Variants in SPAG16 observed in about 807,000 individuals in gnomAD.
SPAG16 encodes sperm-associated antigen 16 protein.
SPAG16 carries 86 observed loss-of-function variants against 80.4 expected under a neutral mutation model. The ratio of observed to expected loss-of-function variants is 1.07; its 90% CI spans 0.90 to 1.28. SPAG16 has a LOEUF of 1.28. Ranked by LOEUF, SPAG16 falls within the 50% of genes most tolerant of loss-of-function variation. SPAG16 has a pLI of 0.00. For synonymous variants in SPAG16, 294 were observed against 265.9 expected, an observed-to-expected ratio of 1.11 and a Z score of -1.03; for missense variants, 870 against 765.3, an observed-to-expected ratio of 1.14 and a Z score of -1.61.
At chr2:213,449,984 T>A (rs1378605089) in intron 9 of SPAG16, among the ~76,000 whole-genome samples, 1 of 152,186 alleles carries the variant, frequency 6.6e-6, no homozygotes, top group African/African-American at 2.4e-5. Context: ...TATAGCCCTT[T>A]CCATACTTAG....
At chr2:213,832,961 T>C (rs1243706764) in intron 10 of SPAG16, among the ~76,000 whole-genome samples, 2 of 152,250 alleles carry the variant, frequency 1.3e-5, no homozygotes, top group Admixed American at 1.3e-4. Context: ...ACAATGCAAA[T>C]TTTAATTCTG....
intron 10 of SPAG16, among the ~76,000 whole-genome samples, chr2:213,579,985 C>A (rs2060249932): frequency 1.3e-5 from 2 of 152,070 alleles, no homozygotes; most frequent in East Asian, 3.8e-4. Context: ...ACATACTATA[C>A]CCCAAATATG....
intron 10 of SPAG16, among the ~76,000 whole-genome samples, chr2:213,833,514 T>TA (rs1559506213): frequency 2.8e-4 from 1 of 3,578 alleles, no homozygotes; most frequent in Non-Finnish European, 5.5e-4. Context: ...TTATATATAA[T>TA]ATATATAATA....
chr2:213,507,097 G>A lies in SPAG16; in HGVS notation c.1070+17007G>A, dbSNP rs1421314615. Among the ~76,000 whole-genome samples the A allele has an allele frequency of 2.6e-5, 4 of 152,202 alleles. No homozygotes were observed. In the East Asian group the frequency reaches 7.7e-4, roughly 29 times the overall value. On this transcript the variant is annotated intron_variant, in intron 10 of 15. Coordinates refer to ENST00000331683, the MANE Select transcript of SPAG16 (RefSeq NM_024532.5). ...GTTGAAAACTGTTACCAGGGAGAAT[G>A]ACCACTGTATCAAGAAAGCTATCAA...
chr2:213,750,823 G>C (rs2068045250), intron 10 of SPAG16, among the ~76,000 whole-genome samples: 1 of 152,218 alleles, frequency 6.6e-6, no homozygotes, highest in African/African-American at 2.4e-5. Context: ...TCTGATATCT[G>C]TAGAGTGTCT....
At chr2:214,320,324 C>T (rs1190287958) in intron 15 of SPAG16, among the ~76,000 whole-genome samples, 1 of 152,166 alleles carries the variant, frequency 6.6e-6, no homozygotes, top group Admixed American at 6.6e-5. Flanking sequence ...ACTTCTTGTA[C>T]TCCTACATAT....
chr2:214,262,538 A>G (rs1310135430), intron 15 of SPAG16, among the ~76,000 whole-genome samples: 1 of 152,120 alleles, frequency 6.6e-6, no homozygotes, highest in African/African-American at 2.4e-5. Flanking sequence ...TCCATGCTAC[A>G]CACAAACTAA....
chr2:214,222,684 C>A (rs1348658223), intron 15 of SPAG16, among the ~76,000 whole-genome samples: 1 of 152,108 alleles, frequency 6.6e-6, no homozygotes, highest in African/African-American at 2.4e-5. Flanking sequence ...TCTGAAACAT[C>A]CATTTTTAGT....
chr2:213,468,937 A>G (rs1387985237), intron 9 of SPAG16, among the ~76,000 whole-genome samples: 3 of 152,090 alleles, frequency 2.0e-5, no homozygotes, highest in Non-Finnish European at 4.4e-5. Context: ...AGGCTAGGCC[A>G]TCTGGTCTTT....
chr2:213,815,447 A>G (rs933310621), intron 10 of SPAG16, among the ~76,000 whole-genome samples: 3 of 152,204 alleles, frequency 2.0e-5, no homozygotes, highest in Non-Finnish European at 4.4e-5. Context: ...TACATTTATA[A>G]AGTATGAATT....
chr2:214,224,587 T>C (rs2058657709), intron 15 of SPAG16, among the ~76,000 whole-genome samples: 1 of 152,150 alleles, frequency 6.6e-6, no homozygotes, highest in Admixed American at 6.6e-5. Context: ...GACTAAGGGA[T>C]TTCTGGGGAA....
chr2:213,470,559 T>C (rs2073022207), intron 9 of SPAG16, among the ~76,000 whole-genome samples: 1 of 152,188 alleles, frequency 6.6e-6, no homozygotes, highest in Non-Finnish European at 1.5e-5. Flanking sequence ...TGGTGCCATA[T>C]TGTGGGCTCA....
chr2:213,567,634 G>T, intron 10 of SPAG16, among the ~76,000 whole-genome samples: 1 of 38,200 alleles, frequency 2.6e-5, no homozygotes, highest in Non-Finnish European at 4.2e-5. Context: ...GTCTATCATT[G>T]TTGGACATTT....
At chr2:214,180,455 G>A (rs1019516327) in intron 15 of SPAG16, among the ~76,000 whole-genome samples, 2 of 151,582 alleles carry the variant, frequency 1.3e-5, no homozygotes, top group Non-Finnish European at 3.0e-5. Context: ...ATAATCATTA[G>A]AATAGTATTT....
At chr2:213,921,134 T>G (rs959061480) in intron 11 of SPAG16, among the ~76,000 whole-genome samples, 1 of 152,238 alleles carries the variant, frequency 6.6e-6, no homozygotes, top group African/African-American at 2.4e-5. Flanking sequence ...GGCTTCCCTC[T>G]GAAGCTCTGT....
At chr2:213,572,435 G>T (rs997506729) in intron 10 of SPAG16, among the ~76,000 whole-genome samples, 1 of 141,238 alleles carries the variant, frequency 7.1e-6, no homozygotes, top group African/African-American at 2.7e-5. Context: ...GTCCTTTCTG[G>T]TTGTTAGTTT....
chr2:213,527,763 G>A (rs560016969), intron 10 of SPAG16, among the ~76,000 whole-genome samples: 1 of 152,126 alleles, frequency 6.6e-6, no homozygotes, highest in Admixed American at 6.6e-5. Context: ...TTTAAAAATA[G>A]ATCAGGAGAT....
intron 9 of SPAG16, among the ~76,000 whole-genome samples, chr2:213,455,128 G>C (rs1424259574): frequency 3.3e-5 from 5 of 152,134 alleles, no homozygotes. Flanking sequence ...TTCAGAGTTT[G>C]ACTTTTTATT....
intron 10 of SPAG16, among the ~76,000 whole-genome samples, chr2:213,643,406 AT>A: frequency 1.9e-5 from 1 of 53,492 alleles, no homozygotes; most frequent in Non-Finnish European, 3.6e-5. Flanking sequence ...ATATATATAT[AT>A]ATATTTTATC....
Sources: allele counts gnomAD v4.1 joint callset (sites outside exome capture counted in the v4.1 genomes callset), GRCh38; gene constraint gnomAD v4.1.1; transcripts MANE v1.5; gene names NCBI Gene and HGNC (gene_info 2026-07-23, HGNC 2026-07-21).